The following PLB1 variants were observed in gnomAD, a reference collection of about 807,000 sequenced individuals.
PLB1 encodes phospholipase B1, also known as phospholipase B1, membrane-associated.
A neutral mutation model predicts 227.4 loss-of-function variants in PLB1; 242 were observed. That is an observed-to-expected ratio of 1.06 (90% CI 0.96 to 1.18). The LOEUF (loss-of-function observed/expected upper bound fraction) is 1.18. Ranked by LOEUF, PLB1 falls within the 50% of genes most tolerant of loss-of-function variation. The probability of loss-of-function intolerance (pLI) is 0.00; values close to 1 mark genes in which losing one functional copy is unlikely to be tolerated. For synonymous variants in PLB1, 757 were observed against 682.2 expected (o/e 1.11, Z -1.71); for missense variants, 1,858 against 1,816.3 (o/e 1.02, Z -0.42).
chr2:28,567,236 C>T (rs1165392220), intron 20 of PLB1, among the ~76,000 whole-genome samples: 2 of 151,218 alleles, frequency 1.3e-5, no homozygotes, highest in South Asian at 2.1e-4. Context: ...CCCGGTTGTG[C>T]GGCGCCTGCC....
intron 43 of PLB1, among the ~76,000 whole-genome samples, chr2:28,613,046 A>G (rs1429479733): frequency 6.6e-6 from 1 of 151,938 alleles, no homozygotes; most frequent in African/African-American, 2.4e-5. Flanking sequence ...CAGCCTCTTG[A>G]GTAGCTAGGA....
At chr2:28,601,211 C>A in intron 36 of PLB1, 41 bp from the exon 37 acceptor site, 3 of 1,523,652 alleles carry the variant, frequency 2.0e-6, no homozygotes, top group Non-Finnish European at 1.8e-6. Flanking sequence ...ATTTTCATTT[C>A]CTTGTTGGAA....
At chr2:28,607,765 CA>C (rs1407465106) in intron 43 of PLB1, among the ~76,000 whole-genome samples, 1 of 151,906 alleles carries the variant, frequency 6.6e-6, no homozygotes, top group Non-Finnish European at 1.5e-5. Flanking sequence ...ATAGTGGGGG[CA>C]TTTGGGGACT....
At chr2:28,541,896 G>A in intron 13 of PLB1, 85 bp downstream of exon 13, 1 of 1,085,638 alleles carries the variant, frequency 9.2e-7, no homozygotes, top group Non-Finnish European at 1.4e-6. Flanking sequence ...ACTTTGGGAG[G>A]CCGAGGTGGG....
At chr2:28,551,603 C>T (rs1674269459) in intron 16 of PLB1, among the ~76,000 whole-genome samples, 1 of 152,196 alleles carries the variant, frequency 6.6e-6, no homozygotes, top group East Asian at 1.9e-4. Flanking sequence ...ACCTGAGACG[C>T]AGCATGGCAC....
At chr2:28,549,903 T>C (rs1018650648) in intron 15 of PLB1, 107 bp from the exon 16 acceptor site, 1 of 850,126 alleles carries the variant, frequency 1.2e-6, no homozygotes, top group Non-Finnish European at 1.9e-6. Context: ...GGAAGCGTGA[T>C]GTGAATGTTC....
chr2:28,555,294 G>T (rs753001365), intron 17 of PLB1, among the ~76,000 whole-genome samples: 18 of 143,436 alleles, frequency 1.3e-4, no homozygotes, highest in African/African-American at 4.1e-4. Context: ...GGTGCCTGCC[G>T]CCATGCCCAG....
chr2:28,601,469 C>CAACACACACACACA (rs141173438), intron 37 of PLB1, 137 bp downstream of exon 37: 395 of 600,232 alleles, frequency 6.6e-4, no homozygotes, highest in African/African-American at 5.7e-3. Flanking sequence ...TATACACATA[C>CAACACACACACACA]CACACACACA....
At chr2:28,507,768 G>A (rs1038247810) in intron 1 of PLB1, among the ~76,000 whole-genome samples, 1 of 152,178 alleles carries the variant, frequency 6.6e-6, no homozygotes, top group African/African-American at 2.4e-5. Context: ...GATATCTGTG[G>A]GCATCAGAGG....
intron 6 of PLB1, among the ~76,000 whole-genome samples, chr2:28,526,628 T>A (rs1220768111): frequency 6.6e-6 from 1 of 152,208 alleles, no homozygotes; most frequent in Non-Finnish European, 1.5e-5. Context: ...TAGCGGGATG[T>A]TAGTCTCCTA....
At chr2:28,584,755 G>A (rs947904469) in intron 25 of PLB1, among the ~76,000 whole-genome samples, 1 of 152,200 alleles carries the variant, frequency 6.6e-6, no homozygotes, top group Non-Finnish European at 1.5e-5. Flanking sequence ...CATCCCTGCT[G>A]TTATCACCTC....
Position 28,636,047 on chromosome 2 carries a change from A to ATGTG in PLB1, c.4098+3010_4098+3013dup, listed in dbSNP as rs369111026. ...TGTGTGTATGTGTGTGTGTGTATGT[A>ATGTG]TGTGTATGTGTGTATGTATGTATGT... is the stretch of plus-strand genomic sequence containing the variant. On this transcript the variant is annotated intron_variant, in intron 56 of 57. Transcript: ENST00000327757. Among the ~76,000 whole-genome samples the ATGTG allele has an allele frequency of 3.7e-3, 534 of 144,790 alleles. 3 individuals are homozygous for ATGTG. Among genetic ancestry groups the ATGTG allele is most frequent in the Non-Finnish European group, 5.7e-3 (376 of 65,674 alleles). 95.0% of individuals were successfully genotyped at this position (144,790 alleles called of 152,430 possible). A position where few individuals can be genotyped will look rare whatever the true frequency, so the allele number is the denominator to read the frequency against.
At chr2:28,544,413 C>G (rs988242149) in intron 14 of PLB1, among the ~76,000 whole-genome samples, 1 of 152,248 alleles carries the variant, frequency 6.6e-6, no homozygotes, top group Non-Finnish European at 1.5e-5. Flanking sequence ...CCAAACCTCT[C>G]CTCTCCTGCC....
At chr2:28,589,314 A>T in intron 26 of PLB1, 136 bp from the exon 27 acceptor site, 2 of 660,640 alleles carry the variant, frequency 3.0e-6, no homozygotes, top group Non-Finnish European at 5.3e-6. Flanking sequence ...GTAAAATCTC[A>T]GTTGAGATTT....
intron 51 of PLB1, among the ~76,000 whole-genome samples, chr2:28,627,116 AATGTTTGACAGTCAC>A (rs1314858071): frequency 6.6e-6 from 1 of 152,168 alleles, no homozygotes; most frequent in African/African-American, 2.4e-5. Context: ...ATTGTGGTCG[AATGTTTGACAGTCAC>A]AGATGGTGGT....
At chr2:28,636,037 G>GTATGAATGTGTGTATGTGTA (rs1558975648) in intron 56 of PLB1, among the ~76,000 whole-genome samples, 3 of 101,242 alleles carry the variant, frequency 3.0e-5, no homozygotes, top group African/African-American at 9.4e-5. Flanking sequence ...GTATGTGTGT[G>GTATGAATGTGTGTATGTGTA]TGTGTATGTA....
At position 28,603,989 on chromosome 2, in the gene PLB1, C is replaced by A; in HGVS notation, c.2798C>A (p.Thr933Asn). 1.2e-6 allele frequency: 2 copies of A among 1,614,254 alleles called. No individual in the cohort carries two copies. The highest frequency in any genetic ancestry group is 1.7e-6 in the Non-Finnish European group (2 of 1,180,042). ...QASVLCNCVLTLRENSQELAR... is the reference protein window; with the variant it reads ...QASVLCNCVLNLRENSQELAR... ...AGCGTTTTGTGTAACTGCGTTCTGA[C>A]CCTGCGGGAGAACTCCCAAGAGCTA... Residue 933 changes from threonine (T) to asparagine (N), a missense_variant, in exon 40 of 58, where the codon ACC (threonine) becomes AAC (asparagine). Thr to Asn is a moderately conservative substitution (Grantham distance 65). Coordinates refer to ENST00000327757, the MANE Select transcript of PLB1 (RefSeq NM_153021.5).
intron 23 of PLB1, among the ~76,000 whole-genome samples, chr2:28,580,854 G>A (rs191562340): frequency 2.0e-5 from 3 of 152,252 alleles, no homozygotes; most frequent in African/African-American, 4.8e-5. Context: ...GACCAGCAGA[G>A]TGAGGTTTAG....
chr2:28,505,649 T>C (rs1056750680), intron 1 of PLB1, among the ~76,000 whole-genome samples: 6 of 152,182 alleles, frequency 3.9e-5, no homozygotes, highest in Non-Finnish European at 8.8e-5. Context: ...ACAAGCTAGG[T>C]AACATTTGTT....
Sources: gnomAD v4.1 joint callset for allele counts (sites outside exome capture counted in the v4.1 genomes callset) on GRCh38, gnomAD v4.1.1 for gene constraint, MANE v1.5 for transcripts, NCBI Gene and HGNC (gene_info 2026-07-23, HGNC 2026-07-21) for gene names.